Variants in PAM observed in about 807,000 individuals in gnomAD.
PAM encodes peptidyl-glycine alpha-amidating monooxygenase.
Under a neutral mutation model 122.1 loss-of-function variants are expected in PAM, and 72 were observed. The observed-to-expected ratio is 0.59, with a 90% CI of 0.49 to 0.72. The LOEUF (loss-of-function observed/expected upper bound fraction) is 0.72, where lower values mean the gene tolerates loss of function less well. Among genes scored for constraint, PAM ranks in the 30% least tolerant of loss-of-function variants. The probability of loss-of-function intolerance (pLI) is 0.00; values close to 1 mark genes in which losing one functional copy is unlikely to be tolerated. For synonymous variants in PAM, 389 were observed against 404.4 expected (o/e 0.96, Z 0.46); for missense variants, 1,106 against 1,183.7 (o/e 0.93, Z 0.96).
chr5:102,866,243 C>T lies in PAM; in HGVS notation c.48C>T (p.Ser16=), dbSNP rs919145132. The change falls in exon 2 of 26, where the codon AGC becomes AGT. Residue 16 remains serine, a synonymous_variant. Coordinates refer to ENST00000438793, the MANE Select transcript of PAM (RefSeq NM_001177306.2). Reference sequence around the variant, plus strand: ...TGCTAGTTCTCCTTGTTTTTCCAAGCAGCTGTTTGGCTTTCCGAAGCCCAC... The same window carrying T: ...TGCTAGTTCTCCTTGTTTTTCCAAGTAGCTGTTTGGCTTTCCGAAGCCCAC... ...PSLLVLLVFP[S]SCLAFRSPLS... The T allele has an allele frequency of 6.2e-7, 1 of 1,613,770 alleles. No individual in the cohort carries two copies. Among genetic ancestry groups the T allele is most frequent in the African/African-American group, 1.3e-5 (1 of 74,948 alleles).
intron 3 of PAM, among the ~76,000 whole-genome samples, chr5:102,871,937 G>A (rs1223137716): frequency 6.6e-6 from 1 of 151,774 alleles, no homozygotes; most frequent in Non-Finnish European, 1.5e-5. Flanking sequence ...GAACTTACAA[G>A]TGCAAACAAA....
intron 4 of PAM, among the ~76,000 whole-genome samples, chr5:102,901,963 A>AT (rs922249941): frequency 5.3e-5 from 8 of 151,644 alleles, no homozygotes; most frequent in African/African-American, 1.9e-4. Context: ...TAAATGACAG[A>AT]TTCTTCCCCA....
At chr5:102,900,995 A>T (rs1797658425) in intron 3 of PAM, among the ~76,000 whole-genome samples, 1 of 151,710 alleles carries the variant, frequency 6.6e-6, no homozygotes, top group Non-Finnish European at 1.5e-5. Flanking sequence ...AATTTTGCAA[A>T]TAGCAAAGAT....
At chr5:102,761,139 G>T (rs1275465508) in intron 1 of PAM, among the ~76,000 whole-genome samples, 2 of 152,218 alleles carry the variant, frequency 1.3e-5, no homozygotes, top group African/African-American at 4.8e-5. Flanking sequence ...TCACAGAAAG[G>T]ATGGAGGACA....
intron 4 of PAM, among the ~76,000 whole-genome samples, chr5:102,908,765 A>G (rs987305870): frequency 2.0e-5 from 3 of 148,878 alleles, no homozygotes; most frequent in African/African-American, 4.9e-5. Flanking sequence ...TTTGCCCTGG[A>G]AAAAAAAAAT....
intron 1 of PAM, among the ~76,000 whole-genome samples, chr5:102,841,552 G>C (rs1330599757): frequency 3.3e-5 from 5 of 152,122 alleles, no homozygotes; most frequent in African/African-American, 1.2e-4. Flanking sequence ...AGGTTTGAAA[G>C]AGAGGCATTA....
At chr5:102,979,094 T>C (rs975507264) in intron 15 of PAM, among the ~76,000 whole-genome samples, 17 of 151,412 alleles carry the variant, frequency 1.1e-4, no homozygotes, top group African/African-American at 2.9e-4. Context: ...ACCCTAGATA[T>C]ACAAATAGGA....
intron 1 of PAM, among the ~76,000 whole-genome samples, chr5:102,767,988 A>G (rs918348486): frequency 6.6e-6 from 1 of 152,104 alleles, no homozygotes; most frequent in East Asian, 1.9e-4. Flanking sequence ...CACTCTGGCA[A>G]GCTTGTCGTG....
chr5:102,934,534 T>C (rs1752627317), intron 7 of PAM, among the ~76,000 whole-genome samples: 1 of 152,186 alleles, frequency 6.6e-6, no homozygotes, highest in Non-Finnish European at 1.5e-5. Flanking sequence ...GATACTCATG[T>C]CATCTACCAA....
intron 1 of PAM, among the ~76,000 whole-genome samples, chr5:102,774,886 T>C (rs1410900659): frequency 6.6e-6 from 1 of 152,062 alleles, no homozygotes; most frequent in Non-Finnish European, 1.5e-5. Flanking sequence ...TTAGTGAAGA[T>C]AAATTCAATG....
intron 1 of PAM, among the ~76,000 whole-genome samples, chr5:102,808,588 T>C (rs867120587): frequency 9.4e-4 from 143 of 152,346 alleles, no homozygotes; most frequent in African/African-American, 3.2e-3. Context: ...TTTTAAAAAG[T>C]GTGTAAGTAT....
chr5:102,932,356 T>C (rs1181597863), intron 7 of PAM, among the ~76,000 whole-genome samples: 1 of 151,892 alleles, frequency 6.6e-6, no homozygotes, highest in African/African-American at 2.4e-5. Flanking sequence ...GCTGTCGTGG[T>C]GTGTGCCTGT....
intron 13 of PAM, among the ~76,000 whole-genome samples, chr5:102,960,334 A>G (rs1562041474): frequency 1.3e-5 from 2 of 151,938 alleles, no homozygotes; most frequent in Non-Finnish European, 2.9e-5. Context: ...TTTTCACTTA[A>G]TTCATGTTTT....
At chr5:102,989,828 A>G (rs1773472822) in intron 15 of PAM, 1 of 152,212 alleles carries the variant, frequency 6.6e-6, no homozygotes, top group Non-Finnish European at 1.5e-5. Context: ...AGATAGATAG[A>G]TAGATAGATG....
chr5:102,900,813 C>G (rs1398372899), intron 3 of PAM, among the ~76,000 whole-genome samples: 1 of 151,314 alleles, frequency 6.6e-6, no homozygotes, highest in African/African-American at 2.4e-5. Context: ...AGACCAATAA[C>G]TAGAAAAGAA....
At chr5:103,008,825 T>C (rs1261277080) in intron 20 of PAM, among the ~76,000 whole-genome samples, 6 of 152,090 alleles carry the variant, frequency 3.9e-5, no homozygotes, top group Non-Finnish European at 8.8e-5. Context: ...GTGATCAAGT[T>C]CATAATAAAC....
intron 1 of PAM, among the ~76,000 whole-genome samples, chr5:102,837,328 A>G (rs1777377502): frequency 6.6e-6 from 1 of 152,142 alleles, no homozygotes; most frequent in African/African-American, 2.4e-5. Flanking sequence ...GTCCCCTTCC[A>G]AAATGCCACA....
chr5:102,901,496 A>G, intron 4 of PAM, 83 bp downstream of exon 4: 1 of 783,282 alleles, frequency 1.3e-6, no homozygotes, highest in South Asian at 1.5e-5. Context: ...TTTGAGGGTT[A>G]TGAGCATATT....
At chr5:102,978,551 A>G (rs537909358) in intron 15 of PAM, among the ~76,000 whole-genome samples, 1 of 152,254 alleles carries the variant, frequency 6.6e-6, no homozygotes, top group African/African-American at 2.4e-5. Flanking sequence ...TTGCATGTGG[A>G]AGCCTGATTC....
Sources: gnomAD v4.1 joint callset for allele counts (sites outside exome capture counted in the v4.1 genomes callset) on GRCh38, gnomAD v4.1.1 for gene constraint, MANE v1.5 for transcripts, NCBI Gene and HGNC (gene_info 2026-07-23, HGNC 2026-07-21) for gene names.